SLC27A6: variants seen among roughly 807,000 people sequenced by gnomAD.
The protein encoded by SLC27A6 is long-chain fatty acid transport protein 6.
In SLC27A6, 74 loss-of-function variants were observed where a neutral mutation model predicts 63.9. The ratio of observed to expected loss-of-function variants is 1.16; its 90% CI spans 0.96 to 1.40. The LOEUF is 1.40. SLC27A6 is among the 40% of genes most tolerant of loss of function. The pLI is 0.00. For missense variants in SLC27A6, 794 were observed against 732.9 expected (o/e 1.08, Z -0.96); for synonymous variants, 287 against 260.8 (o/e 1.10, Z -0.97).
At chr5:129,003,717 C>T (rs184506267) in intron 4 of SLC27A6, among the ~76,000 whole-genome samples, 16 of 152,070 alleles carry the variant, frequency 1.1e-4, no homozygotes, top group African/African-American at 3.6e-4. Flanking sequence ...TGTCTGTAGT[C>T]CCAGTTACTT....
Position 128,966,530 on chromosome 5 carries a change from GGT to G in SLC27A6, c.395_396del (p.Val132GlyfsTer70), listed in dbSNP as rs768723376. The G allele has an allele frequency of 3.8e-6, 6 of 1,595,928 alleles. No individual in the cohort carries two copies. The highest frequency in any genetic ancestry group is 5.1e-6 in the Non-Finnish European group (6 of 1,173,178). ...TCGGCCTCGCCAAGCTGGGCTGCGT[GGT>G]GGCCTTTCTCAACACCAACATTCGC... ...WFGLAKLGCV[V>X]AFLNTNIRSN... On this transcript the variant is annotated frameshift_variant, in exon 1 of 10. Transcript: ENST00000262462. LOFTEE classifies it high-confidence loss of function.
At chr5:129,029,417 C>T (rs1752345315) in intron 8 of SLC27A6, among the ~76,000 whole-genome samples, 160 bp from the exon 9 acceptor site, 1 of 151,990 alleles carries the variant, frequency 6.6e-6, no homozygotes, top group African/African-American at 2.4e-5. Flanking sequence ...GGGGGTAAAT[C>T]ATATGTTCAG....
At position 128,988,631 on chromosome 5, in the gene SLC27A6, G is replaced by A. The variant is rs1750871283; in HGVS notation, c.717G>A (p.Leu239=). 1 of 1,613,864 alleles carries A rather than the reference G, an allele frequency of 6.2e-7. No individual in the cohort carries two copies. Among genetic ancestry groups the A allele is most frequent in the African/African-American group, 1.3e-5 (1 of 74,906 alleles). Residue 239 remains leucine (L), a synonymous_variant, in exon 3 of 10, where the codon CTG becomes CTA. Transcript: ENST00000262462. ...GLPKAAVISQ[L]QVLRGSAVLW... ...CAAAAGCAGCTGTGATTAGTCAGCT[G>A]CAGGTTTTAAGGGGTTCTGCTGTCC...
At chr5:128,971,881 GT>G (rs1750179243) in intron 1 of SLC27A6, among the ~76,000 whole-genome samples, 1 of 152,184 alleles carries the variant, frequency 6.6e-6, no homozygotes, top group Non-Finnish European at 1.5e-5. Flanking sequence ...AATTTGGCAT[GT>G]TTTAGCAGTG....
chr5:129,021,841 G>T (rs2150152934), intron 5 of SLC27A6, among the ~76,000 whole-genome samples: 1 of 152,204 alleles, frequency 6.6e-6, no homozygotes, highest in Admixed American at 6.5e-5. Context: ...TGACTATCAA[G>T]TCCCCTTTTT....
chr5:129,015,784 C>T (rs1751870379), intron 4 of SLC27A6, 101 bp from the exon 5 acceptor site: 4 of 787,124 alleles, frequency 5.1e-6, no homozygotes, highest in Non-Finnish European at 8.1e-6. Context: ...TCTGTTATTG[C>T]ACATATGCAG....
chr5:129,033,073 A>T, intron 9 of SLC27A6, 33 bp from the exon 10 acceptor site: 1 of 1,484,328 alleles, frequency 6.7e-7, no homozygotes, highest in Non-Finnish European at 9.2e-7. Flanking sequence ...TAGTTATTAA[A>T]TGATTCTACT....
intron 4 of SLC27A6, among the ~76,000 whole-genome samples, chr5:128,997,141 G>A (rs576580870): frequency 6.6e-6 from 1 of 152,092 alleles, no homozygotes; most frequent in Non-Finnish European, 1.5e-5. Context: ...CCACATTTTA[G>A]TAACTTTTTA....
intron 8 of SLC27A6, among the ~76,000 whole-genome samples, chr5:129,029,100 C>A (rs566636173): frequency 4.6e-5 from 7 of 152,064 alleles, no homozygotes; most frequent in African/African-American, 1.7e-4. Flanking sequence ...ATTCTGACCC[C>A]TGTAAAGATC....
chr5:128,976,473 CA>C (rs1366343999), intron 1 of SLC27A6, among the ~76,000 whole-genome samples: 1 of 152,180 alleles, frequency 6.6e-6, no homozygotes, highest in Non-Finnish European at 1.5e-5. Flanking sequence ...GAGATCGTGC[CA>C]TTGCACTCCA....
In SLC27A6 at chr5:129,027,285, C is replaced by A; in HGVS notation, c.1408C>A (p.Gln470Lys). 1 of 1,613,034 alleles carries A rather than the reference C, an allele frequency of 6.2e-7. No individual in the cohort carries two copies. Among genetic ancestry groups the A allele is most frequent in the Non-Finnish European group, 8.5e-7 (1 of 1,179,264 alleles). ...TACTGGAGACTTAATAGTCCAGGAT[C>A]AGGACAATTTCCTTTATTTTTGGGA... is the stretch of plus-strand genomic sequence containing the variant. ...LNTGDLIVQD[Q>K]DNFLYFWDRT... Residue 470 changes from glutamine (Q) to lysine (K), a missense_variant, in exon 7 of 10, where the codon CAG (glutamine) becomes AAG (lysine). Transcript: ENST00000262462.
At position 129,013,280 on chromosome 5, in the gene SLC27A6, G is replaced by A. The variant is rs1415698669; in HGVS notation, c.970-2605G>A. ...TCCTGCTTTTTGTTTCTTTGCTCCT[G>A]TATAATATTGTTTTCTTTGGTGCTA... is the stretch of plus-strand genomic sequence containing the variant. On this transcript the variant is annotated intron_variant, in intron 4 of 9. Transcript: ENST00000262462. Among the ~76,000 whole-genome samples the A allele has an allele frequency of 2.0e-4, 30 of 151,842 alleles. 1 individual carries two copies. Among genetic ancestry groups the A allele is most frequent in the Admixed American group, 2.0e-3 (30 of 15,236 alleles).
intron 1 of SLC27A6, among the ~76,000 whole-genome samples, chr5:128,980,639 G>A (rs2577422): frequency 3.3e-5 from 5 of 152,170 alleles, no homozygotes; most frequent in African/African-American, 9.7e-5. Context: ...CTACATAGTA[G>A]GATGGTAACT....
intron 9 of SLC27A6, among the ~76,000 whole-genome samples, chr5:129,030,102 C>T (rs1192606397): frequency 1.3e-5 from 2 of 152,026 alleles, no homozygotes; most frequent in Non-Finnish European, 2.9e-5. Context: ...CTAAAGGCAT[C>T]TGGCTTTAGG....
intron 4 of SLC27A6, among the ~76,000 whole-genome samples, chr5:129,000,754 A>C (rs1368955335): frequency 6.6e-6 from 1 of 152,174 alleles, no homozygotes; most frequent in Non-Finnish European, 1.5e-5. Context: ...ACATCTACGC[A>C]TCCTTTTCTT....
chr5:128,999,467 C>T lies in SLC27A6; in HGVS notation c.969+9003C>T, dbSNP rs1403700532. 7.9e-5 allele frequency among the ~76,000 whole-genome samples: 12 copies of T among 152,210 alleles called. 1 individual carries two copies. In the South Asian group the frequency reaches 2.5e-3, roughly 32 times the overall value. Reference sequence around the variant, plus strand: ...GCTATATTGTCACTCCATGGATAGGCTCCTGGTTGCAAATACCGTCTACAA... The same window carrying T: ...GCTATATTGTCACTCCATGGATAGGTTCCTGGTTGCAAATACCGTCTACAA... On this transcript the variant is annotated intron_variant, in intron 4 of 9. Coordinates refer to ENST00000262462, the MANE Select transcript of SLC27A6 (RefSeq NM_001017372.3).
At position 128,966,101 on chromosome 5, in the gene SLC27A6, G is replaced by T; in HGVS notation, c.-37G>T. ...CTGGAAGAGAAGGACGCTGGTGGGGGCTGAGATCAGAGCTGTCTTCTGGCC... is the reference window on the plus strand; with the variant it reads ...CTGGAAGAGAAGGACGCTGGTGGGGTCTGAGATCAGAGCTGTCTTCTGGCC... On this transcript the variant is annotated 5_prime_UTR_variant, in exon 1 of 10. Transcript: ENST00000262462. 6.6e-7 allele frequency: 1 copy of T among 1,519,642 alleles called. No homozygotes were observed. The highest frequency in any genetic ancestry group is 8.8e-7 in the Non-Finnish European group (1 of 1,137,654). The allele number at this position is 1,519,642 out of a possible 1,614,324, so 94.1% of individuals were successfully genotyped here. A position where few individuals can be genotyped will look rare whatever the true frequency, so the allele number is the denominator to read the frequency against.
chr5:128,992,156 ACCCAC>A (rs1214210896), intron 4 of SLC27A6, among the ~76,000 whole-genome samples: 1,275 of 101,256 alleles, frequency 0.013, 29 homozygotes, highest in African/African-American at 0.051. Flanking sequence ...GGCCTTTGAG[ACCCAC>A]CTTTCCTTGA....
At chr5:128,977,798 T>C (rs1043919036) in intron 1 of SLC27A6, among the ~76,000 whole-genome samples, 4 of 152,228 alleles carry the variant, frequency 2.6e-5, no homozygotes, top group African/African-American at 9.6e-5. Context: ...TTCTTATTTA[T>C]CATCAGCAGC....
Sources: gnomAD v4.1 joint callset for allele counts (sites outside exome capture counted in the v4.1 genomes callset) on GRCh38, gnomAD v4.1.1 for gene constraint, MANE v1.5 for transcripts, NCBI Gene and HGNC (gene_info 2026-07-23, HGNC 2026-07-21) for gene names.